Variants in BNC2 observed in about 807,000 individuals in gnomAD.
BNC2 encodes zinc finger protein basonuclin-2.
Under a neutral mutation model 76.3 loss-of-function variants are expected in BNC2, and 20 were observed. That is an observed-to-expected ratio of 0.26 (90% CI 0.18 to 0.38). BNC2 has a LOEUF of 0.38. BNC2 is among the 10% of genes least tolerant of loss of function. The pLI is 1.00. For missense variants in BNC2, 1,382 were observed against 1,399.8 expected (o/e 0.99, Z 0.20); for synonymous variants, 582 against 514.8 (o/e 1.13, Z -1.77).
intron 3 of BNC2, among the ~76,000 whole-genome samples, chr9:16,670,368 T>C (rs1333916475): frequency 6.6e-6 from 1 of 152,176 alleles, no homozygotes; most frequent in Non-Finnish European, 1.5e-5. Context: ...CAGGCTGGAA[T>C]TCAGGGCGCG....
chr9:16,604,255 A>T (rs1016647884), intron 3 of BNC2, among the ~76,000 whole-genome samples: 3 of 152,268 alleles, frequency 2.0e-5, no homozygotes, highest in African/African-American at 7.2e-5. Flanking sequence ...GAGATTTTTT[A>T]AAAAACACTT....
At chr9:16,537,261 C>G (rs77058261) in intron 5 of BNC2, among the ~76,000 whole-genome samples, 1 of 152,070 alleles carries the variant, frequency 6.6e-6, no homozygotes, top group South Asian at 2.1e-4. Context: ...TTGATGTACA[C>G]TGTAAAAGTC....
chr9:16,712,184 C>T lies in BNC2; in HGVS notation c.330+15613G>A, dbSNP rs113143749. Among the ~76,000 whole-genome samples the T allele has an allele frequency of 3.8e-3, 583 of 152,226 alleles. 21 individuals are homozygous for T. The highest frequency in any genetic ancestry group is 0.034 in the Admixed American group (516 of 15,284). On this transcript the variant is annotated intron_variant, in intron 3 of 6. Transcript: ENST00000380672. ...CACAAAACTATGTCAAGTATAGCTC[C>T]CCCGCTTCAAGTAGCATGATCATTA...
chr9:16,806,366 C>A (rs1441923047), intron 1 of BNC2, among the ~76,000 whole-genome samples: 2 of 151,448 alleles, frequency 1.3e-5, no homozygotes, highest in East Asian at 3.9e-4. Context: ...GGCTTAGTTT[C>A]TTTCTAAAAA....
At chr9:16,700,679 G>A (rs1485497070) in intron 3 of BNC2, among the ~76,000 whole-genome samples, 2 of 152,242 alleles carry the variant, frequency 1.3e-5, no homozygotes, top group Non-Finnish European at 2.9e-5. Context: ...CTGATTAGCA[G>A]TCAGGTGCAG....
At chr9:16,664,158 G>A (rs1475552566) in intron 3 of BNC2, among the ~76,000 whole-genome samples, 2 of 152,130 alleles carry the variant, frequency 1.3e-5, no homozygotes, top group African/African-American at 4.8e-5. Context: ...CTGGACTTGT[G>A]ACATCAGTAT....
At chr9:16,521,637 GT>G (rs922700437) in intron 5 of BNC2, among the ~76,000 whole-genome samples, 4 of 152,102 alleles carry the variant, frequency 2.6e-5, no homozygotes, top group African/African-American at 9.7e-5. Flanking sequence ...TGCCTTTATG[GT>G]TTTTTGACAT....
At chr9:16,530,612 C>T (rs1817946228) in intron 5 of BNC2, among the ~76,000 whole-genome samples, 1 of 152,172 alleles carries the variant, frequency 6.6e-6, no homozygotes, top group Non-Finnish European at 1.5e-5. Flanking sequence ...GAATGTAAAC[C>T]ATAATGCTGA....
chr9:16,726,945 C>G (rs1824345553), intron 3 of BNC2: 1 of 152,298 alleles, frequency 6.6e-6, no homozygotes, highest in Non-Finnish European at 1.5e-5. Flanking sequence ...GCGCGTATCA[C>G]GGAGCGCATG....
chr9:16,409,728 A>T lies in BNC2; in HGVS notation c.*9261T>A, dbSNP rs2118870984. ...AGCCTACCAATAAAAACAAAAAGCA[A>T]AACAGAACAAAACAAAAATAAAACC... On this transcript the variant is annotated 3_prime_UTR_variant, in exon 7 of 7. Transcript: ENST00000380672. 6.5e-6 allele frequency: 1 copy of T among 152,768 alleles called. No homozygotes were observed. The highest frequency in any genetic ancestry group is 2.1e-4 in the South Asian group (1 of 4,830). 9.5% of individuals were successfully genotyped at this position (152,768 alleles called of 1,614,324 possible).
At chr9:16,580,475 C>T (rs1258388481) in intron 4 of BNC2, among the ~76,000 whole-genome samples, 1 of 152,180 alleles carries the variant, frequency 6.6e-6, no homozygotes, top group Non-Finnish European at 1.5e-5. Context: ...AAAGCACAGT[C>T]TGGTGTAACA....
At chr9:16,442,006 T>C (rs1348196718) in intron 5 of BNC2, among the ~76,000 whole-genome samples, 1 of 152,156 alleles carries the variant, frequency 6.6e-6, no homozygotes, top group Non-Finnish European at 1.5e-5. Context: ...AACATCAGAG[T>C]ACATAACTGA....
chr9:16,552,436 GTGCAGCCCTTCC>G, intron 5 of BNC2, 82 bp downstream of exon 5: 3 of 1,014,356 alleles, frequency 3.0e-6, no homozygotes, highest in Non-Finnish European at 3.0e-6. Flanking sequence ...AGAGGAGGGT[GTGCAGCCCTTCC>G]TGCGAGGTTT....
chr9:16,564,646 A>G (rs1380652154), intron 4 of BNC2, among the ~76,000 whole-genome samples: 1 of 152,200 alleles, frequency 6.6e-6, no homozygotes, highest in Non-Finnish European at 1.5e-5. Context: ...TGTGAAAGGT[A>G]GAACTGGGAA....
chr9:16,858,896 G>C (rs1819328717), intron 1 of BNC2, among the ~76,000 whole-genome samples: 1 of 151,762 alleles, frequency 6.6e-6, no homozygotes, highest in Non-Finnish European at 1.5e-5. Flanking sequence ...CAAAAGCAAA[G>C]GAAACAATCA....
intron 1 of BNC2, among the ~76,000 whole-genome samples, chr9:16,821,961 C>T (rs560367510): frequency 2.6e-5 from 4 of 151,760 alleles, no homozygotes; most frequent in Non-Finnish European, 5.9e-5. Flanking sequence ...GGTGCGGTGG[C>T]GGGCGCCTGG....
intron 1 of BNC2, among the ~76,000 whole-genome samples, chr9:16,866,659 CT>C (rs59077570): frequency 0.28 from 35,047 of 127,388 alleles, 5,002 homozygotes; most frequent in South Asian, 0.54. Flanking sequence ...GCTTCTGTCA[CT>C]TTTAAAAAAA....
At chr9:16,715,302 A>G (rs1252513649) in intron 3 of BNC2, among the ~76,000 whole-genome samples, 1 of 152,182 alleles carries the variant, frequency 6.6e-6, no homozygotes, top group African/African-American at 2.4e-5. Context: ...TGTGGGTCAT[A>G]AGGAGAAAAG....
chr9:16,630,644 C>T (rs116349629), intron 3 of BNC2, among the ~76,000 whole-genome samples: 5 of 151,728 alleles, frequency 3.3e-5, no homozygotes. Context: ...TTTTTTTAAA[C>T]AGTGTGAGAA....
Sources: gnomAD v4.1 joint callset for allele counts (sites outside exome capture counted in the v4.1 genomes callset) on GRCh38, gnomAD v4.1.1 for gene constraint, MANE v1.5 for transcripts, NCBI Gene and HGNC (gene_info 2026-07-23, HGNC 2026-07-21) for gene names.